The following TRDMT1 variants were observed in gnomAD, a reference collection of about 807,000 sequenced individuals.
TRDMT1 encodes the protein tRNA aspartic acid methyltransferase 1.
A neutral mutation model predicts 51.2 loss-of-function variants in TRDMT1; 49 were observed. That is an observed-to-expected ratio of 0.96 (90% CI 0.76 to 1.21). The LOEUF (loss-of-function observed/expected upper bound fraction) is 1.21, where lower values mean the gene tolerates loss of function less well. Among genes scored for constraint, TRDMT1 ranks in the 50% most tolerant of loss-of-function variants. TRDMT1 has a pLI of 0.00. For missense variants in TRDMT1, 534 were observed against 462.3 expected (o/e 1.16, Z -1.42); for synonymous variants, 187 against 164.6 (o/e 1.14, Z -1.04).
chr10:17,185,415 A>G (rs1843751152), intron 1 of TRDMT1, among the ~76,000 whole-genome samples: 1 of 152,122 alleles, frequency 6.6e-6, no homozygotes, highest in South Asian at 2.1e-4. Flanking sequence ...AAAAGTCAGG[A>G]AACAACAGGT....
chr10:17,169,803 CA>C (rs1316562308), intron 2 of TRDMT1, among the ~76,000 whole-genome samples: 26 of 152,276 alleles, frequency 1.7e-4, no homozygotes, highest in African/African-American at 5.1e-4. Context: ...GCTTGTCTAT[CA>C]GTTTTTGATC....
chr10:17,160,877 G>T (rs1840257456), intron 5 of TRDMT1, among the ~76,000 whole-genome samples: 1 of 152,140 alleles, frequency 6.6e-6, no homozygotes, highest in Admixed American at 6.6e-5. Context: ...TGAATCAAAA[G>T]ATATACATAA....
In TRDMT1 at chr10:17,193,853, A is replaced by C. The variant is rs574880709; in HGVS notation, c.64+7718T>G. ...ACCATATAAAAGCCTGAATAGCCAA[A>C]GCAATCCTAAGCAAAAAGAACAAGG... is the stretch of plus-strand genomic sequence containing the variant. On this transcript the variant is annotated intron_variant, in intron 1 of 10. Transcript: ENST00000377799. Among the ~76,000 whole-genome samples, 11 of 152,348 alleles carry C rather than the reference A, an allele frequency of 7.2e-5. No homozygotes were observed. In the South Asian group the frequency reaches 2.3e-3, roughly 32 times the overall value.
rs1837932564 is a variant in TRDMT1 at position 17,144,411 on chromosome 10, A to T, written c.*4629T>A. 1.0e-6 allele frequency: 1 copy of T among 985,424 alleles called. No individual in the cohort carries two copies. The highest frequency in any genetic ancestry group is 1.2e-6 in the Non-Finnish European group (1 of 829,922). The allele number at this position is 985,424 out of a possible 1,614,324, so 61.0% of individuals were successfully genotyped here. ...TATTCAGAAAAGAGTTCTATGGGAG[A>T]ACTCAGTTCCTATCTTGTAATTTTT... On this transcript the variant is annotated 3_prime_UTR_variant, in exon 11 of 11. Transcript: ENST00000377799.
chr10:17,199,813 T>A (rs2038573), intron 1 of TRDMT1, among the ~76,000 whole-genome samples: 144,309 of 152,284 alleles, frequency 0.95, 68,750 homozygotes, highest in Non-Finnish European at 1. Context: ...ATTACAGAAC[T>A]TAATAGCTTG....
At chr10:17,153,349 G>A (rs572743695) in intron 10 of TRDMT1, 158 bp downstream of exon 10, 215 of 803,554 alleles carry the variant, frequency 2.7e-4, no homozygotes, top group Non-Finnish European at 3.4e-4. Flanking sequence ...GCAGTTATGA[G>A]GGGAAAGAGG....
At position 17,142,960 on chromosome 10, in the gene TRDMT1, C is replaced by T; in HGVS notation, c.*6080G>A. The T allele has an allele frequency of 4.1e-6, 4 of 981,590 alleles. No homozygotes were observed. The highest frequency in any genetic ancestry group is 4.8e-6 in the Non-Finnish European group (4 of 826,462). The allele number at this position is 981,590 out of a possible 1,614,324, so 60.8% of individuals were successfully genotyped here. The stretch of plus-strand genomic sequence containing the variant: ...GCAGGGAGAAATAAATCTACACTCT[C>T]TTGTCAAGACCAGAAGTCAGAATAC... On this transcript the variant is annotated 3_prime_UTR_variant, in exon 11 of 11. Transcript: ENST00000377799.
At chr10:17,165,755 A>C (rs11254418) in intron 3 of TRDMT1, among the ~76,000 whole-genome samples, 184 of 152,358 alleles carry the variant, frequency 1.2e-3, no homozygotes, top group Middle Eastern at 3.4e-3. Context: ...ATGCAGCCAA[A>C]AGACACATGA....
At chr10:17,159,277 C>T (rs201226608) in intron 6 of TRDMT1, 48 bp from the exon 7 acceptor site, 41 of 1,389,354 alleles carry the variant, frequency 3.0e-5, no homozygotes, top group Middle Eastern at 3.7e-4. Context: ...TTAAAGAGAG[C>T]GGTACCAACT....
chr10:17,151,693 AT>A (rs1838761762), intron 10 of TRDMT1: 7 of 912,334 alleles, frequency 7.7e-6, no homozygotes, highest in African/African-American at 1.8e-5. Context: ...CCAACTTAAA[AT>A]TTTAAAAAAT....
chr10:17,179,987 A>G (rs1843076813), intron 1 of TRDMT1, among the ~76,000 whole-genome samples: 1 of 152,162 alleles, frequency 6.6e-6, no homozygotes, highest in Admixed American at 6.5e-5. Context: ...AGCAATCCCT[A>G]AAGACACTTT....
In TRDMT1 at chr10:17,143,757, C is replaced by T; in HGVS notation, c.*5283G>A. On this transcript the variant is annotated 3_prime_UTR_variant, in exon 11 of 11. Coordinates refer to ENST00000377799, the MANE Select transcript of TRDMT1 (RefSeq NM_004412.7). Reference sequence around the variant, plus strand: ...CTTAGGAAGGCCATTTTAACAGAAGCTGACCAATGGAATGCAGAGTGAGAA... The same window carrying T: ...CTTAGGAAGGCCATTTTAACAGAAGTTGACCAATGGAATGCAGAGTGAGAA... The T allele has an allele frequency of 1.0e-6, 1 of 985,368 alleles. No individual in the cohort carries two copies. Among genetic ancestry groups the T allele is most frequent in the Non-Finnish European group, 1.2e-6 (1 of 829,922 alleles). 61.0% of individuals were successfully genotyped at this position (985,368 alleles called of 1,614,324 possible). A position where few individuals can be genotyped will look rare whatever the true frequency, so the allele number is the denominator to read the frequency against.
chr10:17,190,783 G>A (rs540859598), intron 1 of TRDMT1, among the ~76,000 whole-genome samples: 3 of 152,024 alleles, frequency 2.0e-5, no homozygotes, highest in East Asian at 1.9e-4. Flanking sequence ...GTTCATTCAC[G>A]CATTCAACAA....
In TRDMT1 at chr10:17,141,530, A is replaced by T. The variant is rs994464379; in HGVS notation, c.*7510T>A. Among the ~76,000 whole-genome samples, 7 of 151,758 alleles carry T rather than the reference A, an allele frequency of 4.6e-5. No individual in the cohort carries two copies. In the East Asian group the frequency reaches 1.2e-3, roughly 25 times the overall value. On this transcript the variant is annotated 3_prime_UTR_variant, in exon 11 of 11. Coordinates refer to ENST00000377799, the MANE Select transcript of TRDMT1 (RefSeq NM_004412.7). Reference sequence around the variant, plus strand: ...ATTATTTAAATGCTCTTTCAGCTCCATTTTTTTCCCCTCTACTTCTGGCAC... The same window carrying T: ...ATTATTTAAATGCTCTTTCAGCTCCTTTTTTTTCCCCTCTACTTCTGGCAC...
Position 17,148,868 on chromosome 10 carries a change from T to C in TRDMT1, c.*172A>G. ...GTTCGTATTTTATAAAATACAGTAA[T>C]ATAAATTTGATGAAACACATGGATT... is the stretch of plus-strand genomic sequence containing the variant. On this transcript the variant is annotated 3_prime_UTR_variant, in exon 11 of 11. Transcript: ENST00000377799. 8.1e-7 allele frequency: 1 copy of C among 1,235,730 alleles called. No homozygotes were observed. Among genetic ancestry groups the C allele is most frequent in the Non-Finnish European group, 1.0e-6 (1 of 959,464 alleles). 76.5% of individuals were successfully genotyped at this position (1,235,730 alleles called of 1,614,324 possible).
At chr10:17,173,487 AAAAC>A (rs1842282747) in intron 2 of TRDMT1, among the ~76,000 whole-genome samples, 3 of 152,188 alleles carry the variant, frequency 2.0e-5, no homozygotes, top group Non-Finnish European at 4.4e-5. Context: ...CTAGGAAGGG[AAAAC>A]TTAATCCATA....
In TRDMT1 at chr10:17,139,290, A is replaced by C. The variant is rs1837516276; in HGVS notation, c.*9750T>G. 1 of 822,276 alleles carries C rather than the reference A, an allele frequency of 1.2e-6. No individual in the cohort carries two copies. Among genetic ancestry groups the C allele is most frequent in the African/African-American group, 1.9e-5 (1 of 54,012 alleles). 50.9% of individuals were successfully genotyped at this position (822,276 alleles called of 1,614,324 possible). A position where few individuals can be genotyped will look rare whatever the true frequency, so the allele number is the denominator to read the frequency against. ...AGTTAAATATTTAGACACCATTCATACGATAATCAAAGGAAAATGTCTGAT... is the reference window on the plus strand; with the variant it reads ...AGTTAAATATTTAGACACCATTCATCCGATAATCAAAGGAAAATGTCTGAT... On this transcript the variant is annotated 3_prime_UTR_variant, in exon 11 of 11. Coordinates refer to ENST00000377799, the MANE Select transcript of TRDMT1 (RefSeq NM_004412.7).
intron 1 of TRDMT1, 44 bp downstream of exon 1, chr10:17,201,527 C>A (rs1390130052): frequency 6.5e-7 from 1 of 1,535,648 alleles, no homozygotes; most frequent in Admixed American, 2.0e-5. Flanking sequence ...CTCCAACCAG[C>A]CCCCGTGAGC....
At position 17,146,312 on chromosome 10, in the gene TRDMT1, G is replaced by A. The variant is rs1049416328; in HGVS notation, c.*2728C>T. 9.1e-6 allele frequency: 9 copies of A among 985,264 alleles called. No individual in the cohort carries two copies. In the African/African-American group the frequency reaches 1.6e-4, roughly 17 times the overall value. The allele number at this position is 985,264 out of a possible 1,614,324, so 61.0% of individuals were successfully genotyped here. Reference sequence around the variant, plus strand: ...GTATTTTCTCATCTTTCCAGACATAGGGCAGTGCCCATGGTGAAGGTCTGA... The same window carrying A: ...GTATTTTCTCATCTTTCCAGACATAAGGCAGTGCCCATGGTGAAGGTCTGA... On this transcript the variant is annotated 3_prime_UTR_variant, in exon 11 of 11. Transcript: ENST00000377799.
Sources: gnomAD v4.1 joint callset for allele counts (sites outside exome capture counted in the v4.1 genomes callset) on GRCh38, gnomAD v4.1.1 for gene constraint, MANE v1.5 for transcripts, NCBI Gene and HGNC (gene_info 2026-07-23, HGNC 2026-07-21) for gene names.